The following SLC12A3 variants were observed in gnomAD, a reference collection of about 807,000 sequenced individuals.
SLC12A3 encodes the protein Na-Cl cotransporter.
A neutral mutation model predicts 121.0 loss-of-function variants in SLC12A3; 104 were observed. The ratio of observed to expected loss-of-function variants is 0.86; its 90% CI spans 0.73 to 1.01. SLC12A3 has a LOEUF of 1.01. SLC12A3 is among the 50% of genes least tolerant of loss of function. The pLI, the probability that SLC12A3 is intolerant of heterozygous loss-of-function variation, is 0.00. For missense variants in SLC12A3, 1,328 were observed against 1,356.3 expected (o/e 0.98, Z 0.33); for synonymous variants, 536 against 533.4 (o/e 1.00, Z -0.07).
chr16:56,886,851 G>A, intron 16 of SLC12A3, 102 bp from the exon 17 acceptor site: 2 of 1,519,720 alleles, frequency 1.3e-6, no homozygotes, highest in Non-Finnish European at 1.8e-6. Flanking sequence ...CACCGTGGGT[G>A]CTGCCAAGCC....
chr16:56,894,769 C>T (rs1328569609), intron 22 of SLC12A3, 127 bp downstream of exon 22: 6 of 717,628 alleles, frequency 8.4e-6, no homozygotes, highest in African/African-American at 1.7e-5. Context: ...TGTCCCAAAG[C>T]CCAGGGCCAG....
chr16:56,870,956 T>G (rs977524032), intron 6 of SLC12A3, among the ~76,000 whole-genome samples: 2 of 151,994 alleles, frequency 1.3e-5, no homozygotes, highest in South Asian at 4.1e-4. Flanking sequence ...TGCCTCAGCC[T>G]CCCGAGTAGC....
chr16:56,910,336 A>G (rs1386684637), intron 25 of SLC12A3, among the ~76,000 whole-genome samples: 1 of 151,334 alleles, frequency 6.6e-6, no homozygotes, highest in Non-Finnish European at 1.5e-5. Flanking sequence ...CTTTGGTCCT[A>G]TAATTTTCTT....
chr16:56,891,316 G>GA (rs2144739915), intron 19 of SLC12A3, among the ~76,000 whole-genome samples: 1 of 145,366 alleles, frequency 6.9e-6, no homozygotes, highest in South Asian at 2.2e-4. Context: ...AGGCTGCAGT[G>GA]AGCCGTGATT....
intron 13 of SLC12A3, 82 bp from the exon 14 acceptor site, chr16:56,883,967 C>A: frequency 6.7e-7 from 1 of 1,499,916 alleles, no homozygotes; most frequent in African/African-American, 1.4e-5. Flanking sequence ...GCTGGCATTA[C>A]TGCCAGGCCC....
At chr16:56,883,232 ACTT>A (rs1208414433) in intron 13 of SLC12A3, among the ~76,000 whole-genome samples, 3 of 150,912 alleles carry the variant, frequency 2.0e-5, no homozygotes, top group Non-Finnish European at 4.4e-5. Context: ...ATGATGGAAA[ACTT>A]CTGGCAGATG....
chr16:56,872,946 T>C (rs539673465), intron 8 of SLC12A3, among the ~76,000 whole-genome samples, 160 bp downstream of exon 8: 2 of 152,214 alleles, frequency 1.3e-5, no homozygotes, highest in South Asian at 4.1e-4. Flanking sequence ...ATCCAACCGA[T>C]TCCATTCCGT....
chr16:56,885,264 G>A lies in SLC12A3; in HGVS notation c.1826-1G>A. The A allele has an allele frequency of 6.5e-7, 1 of 1,547,526 alleles. No individual in the cohort carries two copies. Among genetic ancestry groups the A allele is most frequent in the Non-Finnish European group, 8.7e-7 (1 of 1,142,924 alleles). ...CCCCCGTTGCTCCCTTGCTCTCCCA[G>A]AGGTAAATTGGGGCTCCTCGGTACA... On this transcript the variant is annotated splice_acceptor_variant, in intron 14 of 25. Coordinates refer to ENST00000563236, the MANE Select transcript of SLC12A3 (RefSeq NM_001126108.2). LOFTEE classifies it high-confidence loss of function.
Position 56,879,087 on chromosome 16 carries a change from CG to C in SLC12A3, c.1196del (p.Arg399LeufsTer7), listed in dbSNP as rs2055202241. On this transcript the variant is annotated frameshift_variant, in exon 10 of 26. Coordinates refer to ENST00000563236, the MANE Select transcript of SLC12A3 (RefSeq NM_001126108.2). LOFTEE classifies it high-confidence loss of function. The part of the protein sequence containing the change: ...ISATIGSCVV[R>X]DASGVLNDTV... ...CCTCCTCTCAGGCTCCTGCGTGGTG[CG>C]TGATGCCTCTGGGGTCCTGAATGAC... The C allele has an allele frequency of 6.2e-7, 1 of 1,611,390 alleles. No homozygotes were observed. The highest frequency in any genetic ancestry group is 1.3e-5 in the African/African-American group (1 of 74,860).
chr16:56,896,021 G>T (rs2055457280), intron 22 of SLC12A3, among the ~76,000 whole-genome samples: 1 of 152,150 alleles, frequency 6.6e-6, no homozygotes, highest in African/African-American at 2.4e-5. Context: ...TGTAAATACA[G>T]ATAAAGCTGC....
intron 8 of SLC12A3, among the ~76,000 whole-genome samples, chr16:56,877,404 A>G (rs2055177488): frequency 6.6e-6 from 1 of 152,132 alleles, no homozygotes; most frequent in South Asian, 2.1e-4. Flanking sequence ...TCAAAAAAAA[A>G]ATAAAATAAA....
chr16:56,878,230 C>A, intron 9 of SLC12A3, 69 bp downstream of exon 9: 1 of 1,197,502 alleles, frequency 8.4e-7, no homozygotes, highest in South Asian at 1.2e-5. Context: ...TCCCAAAACC[C>A]TGACCACTGG....
In SLC12A3 at chr16:56,867,206, A is replaced by C. The variant is rs1322645137; in HGVS notation, c.419A>C (p.Lys140Thr). 1 of 1,610,546 alleles carries C rather than the reference A, an allele frequency of 6.2e-7. No homozygotes were observed. Among genetic ancestry groups the C allele is most frequent in the Non-Finnish European group, 8.5e-7 (1 of 1,178,788 alleles). ...PEEPVRFGWV[K>T]GVMIRCMLNI... Reference sequence around the variant, plus strand: ...GAGCCAGTGCGCTTCGGCTGGGTCAAGGGGGTGATGGTGAGTGGGGTGTGG... The same window carrying C: ...GAGCCAGTGCGCTTCGGCTGGGTCACGGGGGTGATGGTGAGTGGGGTGTGG... Residue 140 changes from lysine to threonine, a missense_variant, in exon 2 of 26, where the codon AAG becomes ACG. Coordinates refer to ENST00000563236, the MANE Select transcript of SLC12A3 (RefSeq NM_001126108.2).
intron 24 of SLC12A3, among the ~76,000 whole-genome samples, chr16:56,902,731 T>C (rs1459751297): frequency 1.3e-5 from 2 of 152,118 alleles, no homozygotes; most frequent in African/African-American, 4.8e-5. Flanking sequence ...CTGCCCATCT[T>C]GAGTGAGCTC....
intron 6 of SLC12A3, 139 bp downstream of exon 6, chr16:56,870,875 T>C (rs574795917): frequency 1.6e-6 from 1 of 609,800 alleles, no homozygotes. Flanking sequence ...TCGCTCGATG[T>C]CCATGCTGGA....
chr16:56,872,037 AG>A (rs1399728699), intron 6 of SLC12A3, among the ~76,000 whole-genome samples: 5 of 151,932 alleles, frequency 3.3e-5, no homozygotes, highest in African/African-American at 1.2e-4. Flanking sequence ...TTTTTAGTAG[AG>A]ACAGAGTTTC....
chr16:56,901,689 A>ACC (rs145507487), intron 23 of SLC12A3, among the ~76,000 whole-genome samples: 1 of 151,556 alleles, frequency 6.6e-6, no homozygotes, highest in Non-Finnish European at 1.5e-5. Flanking sequence ...CGCACAGAAG[A>ACC]CCCCCAGCAG....
intron 1 of SLC12A3, among the ~76,000 whole-genome samples, chr16:56,865,847 G>T (rs1964340674): frequency 6.6e-6 from 1 of 152,226 alleles, no homozygotes; most frequent in Admixed American, 6.5e-5. Flanking sequence ...CAGAGAGAGG[G>T]CTCGCCGGGT....
At position 56,892,097 on chromosome 16, in the gene SLC12A3, G is replaced by A. The variant is rs750096548; in HGVS notation, c.2383G>A (p.Asp795Asn). The A allele has an allele frequency of 2.2e-5, 35 of 1,613,738 alleles. No homozygotes were observed. Among genetic ancestry groups the A allele is most frequent in the Non-Finnish European group, 1.1e-5 (13 of 1,179,718 alleles). The part of the protein sequence containing the change: ...MMQAHINPVF[D>N]PAEDGKEASA... ...TTCTTTTGCAGTTAACCCCGTGTTTGACCCAGCGGAGGACGGGAAGGAAGC... is the reference window on the plus strand; with the variant it reads ...TTCTTTTGCAGTTAACCCCGTGTTTAACCCAGCGGAGGACGGGAAGGAAGC... The change falls in exon 20 of 26, where the codon GAC becomes AAC. Residue 795 changes from aspartate (D) to asparagine (N), a missense_variant. Physicochemically the swap from Asp to Asn is conservative, Grantham distance 23. Coordinates refer to ENST00000563236, the MANE Select transcript of SLC12A3 (RefSeq NM_001126108.2).
Sources: allele counts gnomAD v4.1 joint callset (sites outside exome capture counted in the v4.1 genomes callset), GRCh38; gene constraint gnomAD v4.1.1; transcripts MANE v1.5; gene names NCBI Gene and HGNC (gene_info 2026-07-23, HGNC 2026-07-21).